Variants in DLGAP2 observed in about 807,000 individuals in gnomAD.
DLGAP2 encodes the protein disks large-associated protein 2.
In DLGAP2, 26 loss-of-function variants were observed where a neutral mutation model predicts 100.3. The ratio of observed to expected loss-of-function variants is 0.26; its 90% confidence interval spans 0.19 to 0.36. The LOEUF (loss-of-function observed/expected upper bound fraction) is 0.36, where lower values mean the gene tolerates loss of function less well. DLGAP2 is among the 10% of genes least tolerant of loss of function. The probability of loss-of-function intolerance (pLI) is 1.00; values close to 1 mark genes in which losing one functional copy is unlikely to be tolerated. For missense variants in DLGAP2, 1,858 were observed against 1,453.2 expected (o/e 1.28, Z -4.53); for synonymous variants, 886 against 630.1 (o/e 1.41, Z -6.08).
chr8:1,389,052 G>A (rs1027356436), intron 3 of DLGAP2, among the ~76,000 whole-genome samples: 1 of 149,882 alleles, frequency 6.7e-6, no homozygotes, highest in Non-Finnish European at 1.5e-5. Flanking sequence ...TGTCAGGGCT[G>A]TGAGAGCAGA....
chr8:788,092 G>A (rs1346633473), intron 1 of DLGAP2, among the ~76,000 whole-genome samples: 1 of 152,182 alleles, frequency 6.6e-6, no homozygotes, highest in Non-Finnish European at 1.5e-5. Context: ...GCTATGTTGG[G>A]TCTCCCCCCA....
At chr8:1,376,301 G>T (rs1802385533) in intron 3 of DLGAP2, among the ~76,000 whole-genome samples, 1 of 152,246 alleles carries the variant, frequency 6.6e-6, no homozygotes, top group Non-Finnish European at 1.5e-5. Flanking sequence ...CCAGGTCTCT[G>T]TGCCGTTTCT....
chr8:1,354,998 C>T (rs901423365), intron 3 of DLGAP2, among the ~76,000 whole-genome samples: 6 of 138,442 alleles, frequency 4.3e-5, no homozygotes, highest in Admixed American at 7.3e-5. Flanking sequence ...GATGATGCTG[C>T]GGATGAGGGT....
chr8:1,362,862 G>C (rs946238038), intron 3 of DLGAP2, among the ~76,000 whole-genome samples: 16 of 152,218 alleles, frequency 1.1e-4, no homozygotes, highest in African/African-American at 3.9e-4. Context: ...TTCAAAGTCA[G>C]TGGCTAGTTT....
At chr8:1,122,726 C>A (rs1338874276) in intron 2 of DLGAP2, among the ~76,000 whole-genome samples, 2 of 151,882 alleles carry the variant, frequency 1.3e-5, no homozygotes. Flanking sequence ...CCCTCTTTCC[C>A]TCTCATTTCC....
chr8:1,117,544 C>T (rs1045652381), intron 2 of DLGAP2, among the ~76,000 whole-genome samples: 4 of 150,610 alleles, frequency 2.7e-5, no homozygotes, highest in Admixed American at 1.3e-4. Flanking sequence ...CATTCCTGAC[C>T]GTCAGATTCA....
intron 1 of DLGAP2, among the ~76,000 whole-genome samples, chr8:758,951 C>T (rs1162226987): frequency 6.6e-6 from 1 of 151,084 alleles, no homozygotes; most frequent in African/African-American, 2.4e-5. Flanking sequence ...CCCCAACAGC[C>T]TTCCCATTAT....
Position 1,215,345 on chromosome 8 carries a change from T to C in DLGAP2, c.74-43506T>C, listed in dbSNP as rs561845810. Reference sequence around the variant, plus strand: ...TGCGAGGCTGATAGCTGAGGCTGGTTGAGAGCTGAGATCTAAAGCTAATCG... The same window carrying C: ...TGCGAGGCTGATAGCTGAGGCTGGTCGAGAGCTGAGATCTAAAGCTAATCG... On this transcript the variant is annotated intron_variant, in intron 2 of 14. Coordinates refer to ENST00000637795, the MANE Select transcript of DLGAP2 (RefSeq NM_001346810.2). Among the ~76,000 whole-genome samples, 99 of 152,350 alleles carry C rather than the reference T, an allele frequency of 6.5e-4. 1 individual carries two copies. Among genetic ancestry groups the C allele is most frequent in the Non-Finnish European group, 1.3e-3 (89 of 68,034 alleles).
At chr8:1,344,281 A>C (rs35864727) in intron 3 of DLGAP2, among the ~76,000 whole-genome samples, 11,282 of 147,690 alleles carry the variant, frequency 0.076, 702 homozygotes, top group East Asian at 0.29. Context: ...GTGCCCAGGC[A>C]TTGTGGGTGG....
chr8:1,671,045 G>A (rs941736262), intron 10 of DLGAP2, among the ~76,000 whole-genome samples: 4 of 152,212 alleles, frequency 2.6e-5, no homozygotes, highest in Non-Finnish European at 5.9e-5. Flanking sequence ...ATAACCCTGT[G>A]TGCTGGTTGT....
chr8:757,335 C>G (rs563556864), intron 1 of DLGAP2, among the ~76,000 whole-genome samples: 1 of 152,318 alleles, frequency 6.6e-6, no homozygotes, highest in Admixed American at 6.5e-5. Flanking sequence ...TGAAGCCCAT[C>G]TGTGAAAAAT....
chr8:947,083 C>G (rs1416753853), intron 2 of DLGAP2, among the ~76,000 whole-genome samples: 3 of 152,230 alleles, frequency 2.0e-5, no homozygotes, highest in African/African-American at 7.2e-5. Flanking sequence ...TTCTAGTTCC[C>G]TCTGGGATGG....
At chr8:1,268,529 A>C (rs989319701) in intron 3 of DLGAP2, among the ~76,000 whole-genome samples, 25 of 152,216 alleles carry the variant, frequency 1.6e-4, no homozygotes, top group Non-Finnish European at 2.9e-5. Flanking sequence ...CTTTGTTTTA[A>C]AATGAGAACA....
intron 3 of DLGAP2, among the ~76,000 whole-genome samples, chr8:1,386,322 C>G (rs574280377): frequency 1.3e-5 from 2 of 152,278 alleles, no homozygotes; most frequent in African/African-American, 4.8e-5. Flanking sequence ...CATGAACTCC[C>G]CAGAACAATG....
chr8:1,487,144 CAT>C (rs144776614), intron 3 of DLGAP2, among the ~76,000 whole-genome samples: 2,209 of 152,290 alleles, frequency 0.015, 44 homozygotes, highest in African/African-American at 0.051. Context: ...GTAAACTTGA[CAT>C]GTGATGTATT....
At chr8:958,703 G>C (rs1227583492) in intron 2 of DLGAP2, among the ~76,000 whole-genome samples, 1 of 151,698 alleles carries the variant, frequency 6.6e-6, no homozygotes, top group African/African-American at 2.4e-5. Flanking sequence ...GCATATTTCT[G>C]TATCTAGCAT....
At chr8:1,699,344 G>A (rs1055724254) in intron 14 of DLGAP2, among the ~76,000 whole-genome samples, 3 of 151,926 alleles carry the variant, frequency 2.0e-5, no homozygotes, top group Admixed American at 6.6e-5. Context: ...AGTGGATCAC[G>A]CCTGTAATCC....
intron 4 of DLGAP2, among the ~76,000 whole-genome samples, chr8:1,540,685 G>T (rs899955831): frequency 1.3e-5 from 2 of 152,208 alleles, no homozygotes; most frequent in East Asian, 3.9e-4. Context: ...CTTACCCCAC[G>T]GAGGGGGCAT....
At chr8:747,545 G>A (rs1820655956) in intron 1 of DLGAP2, among the ~76,000 whole-genome samples, 1 of 144,070 alleles carries the variant, frequency 6.9e-6, no homozygotes, top group African/African-American at 2.6e-5. Flanking sequence ...AAGTAGGACG[G>A]GGCGCAGGGC....
Sources: gnomAD v4.1 joint callset for allele counts (sites outside exome capture counted in the v4.1 genomes callset) on GRCh38, gnomAD v4.1.1 for gene constraint, MANE v1.5 for transcripts, NCBI Gene and HGNC (gene_info 2026-07-23, HGNC 2026-07-21) for gene names.